Variants in PTPRA observed in about 807,000 individuals in gnomAD.
PTPRA encodes the protein protein tyrosine phosphatase receptor type A, also known as receptor-type tyrosine-protein phosphatase alpha.
PTPRA carries 25 observed loss-of-function variants against 104.8 expected under a neutral mutation model. That is an observed-to-expected ratio of 0.24 (90% CI 0.17 to 0.33). The LOEUF is 0.33. Among genes scored for constraint, PTPRA ranks in the 10% least tolerant of loss-of-function variants. PTPRA has a pLI of 1.00. For missense variants in PTPRA, 765 were observed against 1,015.3 expected (o/e 0.75, Z 3.35); for synonymous variants, 323 against 368.9 (o/e 0.88, Z 1.43).
At chr20:3,028,284 TTGC>T (rs2065249633) in intron 20 of PTPRA, among the ~76,000 whole-genome samples, 1 of 152,170 alleles carries the variant, frequency 6.6e-6, no homozygotes, top group African/African-American at 2.4e-5. Flanking sequence ...GATTGCCTCA[TTGC>T]TGACTACATA....
chr20:2,882,526 A>C (rs1293787386), intron 1 of PTPRA, among the ~76,000 whole-genome samples: 1 of 151,962 alleles, frequency 6.6e-6, no homozygotes, highest in Non-Finnish European at 1.5e-5. Flanking sequence ...CTCCTGGCTC[A>C]AGCAATCCAC....
At chr20:2,958,844 CAAAAAAAAAAAAAAA>C (rs528139524) in intron 3 of PTPRA, among the ~76,000 whole-genome samples, 1 of 46,854 alleles carries the variant, frequency 2.1e-5, no homozygotes, top group Non-Finnish European at 4.4e-5. Flanking sequence ...GAGACTGTAT[CAAAAAAAAAAAAAAA>C]AAAAAAGAAC....
At chr20:2,874,917 A>C (rs184375871) in intron 1 of PTPRA, among the ~76,000 whole-genome samples, 1 of 151,728 alleles carries the variant, frequency 6.6e-6, no homozygotes, top group Non-Finnish European at 1.5e-5. Context: ...CTGCCCCCTC[A>C]CATGTTGGGA....
intron 9 of PTPRA, among the ~76,000 whole-genome samples, chr20:2,992,346 GTC>G (rs1304072576): frequency 3.3e-5 from 5 of 151,996 alleles, no homozygotes; most frequent in African/African-American, 1.2e-4. Flanking sequence ...GTGAAACCCC[GTC>G]TCTACTAAAA....
chr20:2,987,047 C>T (rs1335633890), intron 7 of PTPRA, among the ~76,000 whole-genome samples, 198 bp downstream of exon 7: 1 of 152,094 alleles, frequency 6.6e-6, no homozygotes, highest in Non-Finnish European at 1.5e-5. Flanking sequence ...AAGTCCTAAG[C>T]CCTCCCTCTT....
rs527683300 is a variant in PTPRA, at chr20:2,933,244, A to C, written c.-50+9959A>C. On this transcript the variant is annotated intron_variant, in intron 2 of 23. Transcript: ENST00000399903. ...TTAATTTGCTTTTCTTTGTTAGCAA[A>C]GATGAATTTTTTCAGTTGTTTATCA... 5.9e-5 allele frequency among the ~76,000 whole-genome samples: 9 copies of C among 152,314 alleles called. No homozygotes were observed. In the South Asian group the frequency reaches 1.9e-3, roughly 32 times the overall value.
At chr20:2,864,480 G>A in the PTPRA span, 1 of 1,614,174 alleles carries the variant, frequency 6.2e-7, no homozygotes. The surrounding 1 kb of genome is among the most constrained non-coding windows in gnomAD (Gnocchi z 5.2). Context: ...TAGTGGGCAG[G>A]GTTGTGGTGT....
At chr20:2,980,231 C>T (rs925593776) in intron 6 of PTPRA, among the ~76,000 whole-genome samples, 2 of 151,920 alleles carry the variant, frequency 1.3e-5, no homozygotes, top group African/African-American at 4.8e-5. Flanking sequence ...AGAACTCCTT[C>T]TTACTACTCA....
chr20:2,964,911 C>G lies in PTPRA; in HGVS notation c.124C>G (p.Pro42Ala). 1 of 1,614,146 alleles carries G rather than the reference C, an allele frequency of 6.2e-7. No homozygotes were observed. ...ATTAATTAACTCATCAACGGCAGAA[C>G]CAGTTAAAGAAGAGGCCAAAACTTC... ...TRLINSSTAEPVKEEAKTSNP... is the reference protein window; with the variant it reads ...TRLINSSTAEAVKEEAKTSNP... The change falls in exon 5 of 24, where the codon CCA becomes GCA. Residue 42 changes from proline to alanine, a missense_variant. By Grantham distance (27) the Pro-to-Ala change is conservative. Coordinates refer to ENST00000399903, the MANE Select transcript of PTPRA (RefSeq NM_001385305.1).
intron 6 of PTPRA, among the ~76,000 whole-genome samples, chr20:2,986,000 C>T (rs2062891651): frequency 4.6e-5 from 7 of 152,146 alleles, no homozygotes; most frequent in Admixed American, 4.6e-4. Context: ...TCTCCATCTC[C>T]TAAGCTCCAG....
At chr20:2,993,706 G>A (rs1188120432) in intron 9 of PTPRA, among the ~76,000 whole-genome samples, 2 of 152,198 alleles carry the variant, frequency 1.3e-5, no homozygotes, top group Non-Finnish European at 2.9e-5. Flanking sequence ...TGGAGACTTC[G>A]CCTTTTGCTA....
chr20:2,925,540 G>A (rs1365969739), intron 2 of PTPRA, among the ~76,000 whole-genome samples: 6 of 152,066 alleles, frequency 3.9e-5, no homozygotes, highest in Non-Finnish European at 8.8e-5. Flanking sequence ...TAGGCTGAGT[G>A]TGGTGGCTCA....
rs2059592651 is a variant in PTPRA at position 2,909,987 on chromosome 20, T to TGA, written c.-128-13220_-128-13219insGA. Among the ~76,000 whole-genome samples the TGA allele has an allele frequency of 1.6e-4, 15 of 95,852 alleles. No individual in the cohort carries two copies. The Admixed American group carries it at 1.6e-3, about 11-fold the overall frequency. 62.9% of individuals were successfully genotyped at this position (95,852 alleles called of 152,430 possible). On this transcript the variant is annotated intron_variant, in intron 1 of 23. Coordinates refer to ENST00000399903, the MANE Select transcript of PTPRA (RefSeq NM_001385305.1). ...TGATATATATATAATCTATCATATA[T>TGA]CATATATATAATCTATCATATATCA...
chr20:2,935,644 C>G (rs762513166), intron 2 of PTPRA, among the ~76,000 whole-genome samples: 3 of 152,140 alleles, frequency 2.0e-5, no homozygotes, highest in African/African-American at 4.8e-5. Context: ...GCAATCATAA[C>G]TCACTGTAAG....
chr20:2,915,164 C>G (rs2059857073), intron 1 of PTPRA, among the ~76,000 whole-genome samples: 1 of 151,952 alleles, frequency 6.6e-6, no homozygotes, highest in Admixed American at 6.6e-5. Flanking sequence ...TCATAGCATG[C>G]TGTAGCCTCA....
chr20:3,011,537 C>G (rs1199971938), intron 11 of PTPRA, among the ~76,000 whole-genome samples: 1 of 152,112 alleles, frequency 6.6e-6, no homozygotes, highest in Non-Finnish European at 1.5e-5. Context: ...AAGAGTGAGT[C>G]AGAGTTCAGG....
chr20:2,866,450 A>T, the PTPRA span: 1 of 1,614,042 alleles, frequency 6.2e-7, no homozygotes, highest in Non-Finnish European at 8.5e-7. Flanking sequence ...CAGGCTGCAG[A>T]TGTGGCCATC....
chr20:2,889,528 A>C (rs2058716551), intron 1 of PTPRA, among the ~76,000 whole-genome samples: 1 of 152,218 alleles, frequency 6.6e-6, no homozygotes, highest in Admixed American at 6.5e-5. Context: ...CTGAATCTGA[A>C]TTACCAACAT....
chr20:3,033,303 A>G (rs1294312111), intron 20 of PTPRA, among the ~76,000 whole-genome samples: 2 of 151,676 alleles, frequency 1.3e-5, no homozygotes, highest in Admixed American at 1.3e-4. Flanking sequence ...CCAGTTGCTC[A>G]TGTCTAAAAT....
Sources: gnomAD v4.1 joint callset for allele counts (sites outside exome capture counted in the v4.1 genomes callset) on GRCh38, gnomAD v4.1.1 for gene constraint, Gnocchi (gnomAD v3.1) non-coding constraint, MANE v1.5 for transcripts, NCBI Gene and HGNC (gene_info 2026-07-23, HGNC 2026-07-21) for gene names.